Variants in GMDS observed in about 807,000 individuals in gnomAD.
GMDS encodes the protein GDP-mannose 4,6-dehydratase, also known as GDP-mannose 4,6 dehydratase.
A neutral mutation model predicts 49.9 loss-of-function variants in GMDS; 20 were observed. The observed-to-expected ratio is 0.40, with a 90% CI of 0.28 to 0.58. The LOEUF (loss-of-function observed/expected upper bound fraction) is 0.58, where lower values mean the gene tolerates loss of function less well. Among genes scored for constraint, GMDS ranks in the 20% least tolerant of loss-of-function variants. The pLI is 0.42. For missense variants in GMDS, 362 were observed against 481.4 expected, an observed-to-expected ratio of 0.75 and a Z score of 2.32; for synonymous variants, 177 against 178.6, an observed-to-expected ratio of 0.99 and a Z score of 0.07.
Position 1,960,813 on chromosome 6 carries a change from G to A in GMDS, c.499C>T (p.Gln167Ter). 1 of 1,609,798 alleles carries A rather than the reference G, an allele frequency of 6.2e-7. No homozygotes were observed. The highest frequency in any genetic ancestry group is 8.5e-7 in the Non-Finnish European group (1 of 1,176,712). ...ELYGKVQEIP[Q>*]KETTPFYPRS... is the part of the protein sequence containing the mutation. ...GGATAGAAAGGGGTGGTCTCCTTCT[G>A]GGGTATTTCCTGCACTTTCCCATAA... The change falls in exon 5 of 11, where the codon CAG becomes TAG. Residue 167 changes from glutamine (Q) to a stop codon, truncating the protein, a stop_gained. Transcript: ENST00000380815. LOFTEE classifies it high-confidence loss of function.
At chr6:1,944,788 A>G (rs1341180751) in intron 6 of GMDS, among the ~76,000 whole-genome samples, 1 of 152,168 alleles carries the variant, frequency 6.6e-6, no homozygotes, top group Non-Finnish European at 1.5e-5. Context: ...AAGACCTTTG[A>G]TTCAAATTCT....
At chr6:1,708,538 C>T (rs560127039) in intron 9 of GMDS, among the ~76,000 whole-genome samples, 230 of 152,336 alleles carry the variant, frequency 1.5e-3, no homozygotes, top group African/African-American at 5.0e-3. Flanking sequence ...ATGGATCGGG[C>T]GAGAGCCCCA....
chr6:2,121,039 C>A (rs1775110700), intron 2 of GMDS, among the ~76,000 whole-genome samples: 1 of 152,168 alleles, frequency 6.6e-6, no homozygotes, highest in Non-Finnish European at 1.5e-5. Context: ...GATAGGTGTG[C>A]TTATCATCCC....
At chr6:2,063,018 A>G (rs1400574792) in intron 4 of GMDS, among the ~76,000 whole-genome samples, 1 of 152,262 alleles carries the variant, frequency 6.6e-6, no homozygotes, top group Non-Finnish European at 1.5e-5. Flanking sequence ...TTTTGGTGAG[A>G]TCCTATAGAC....
At chr6:2,048,562 T>A (rs1264635253) in intron 4 of GMDS, among the ~76,000 whole-genome samples, 1 of 152,236 alleles carries the variant, frequency 6.6e-6, no homozygotes, top group East Asian at 1.9e-4. Flanking sequence ...AACTTATCAA[T>A]TTACATATTC....
At chr6:1,660,502 G>C (rs1030348037) in intron 9 of GMDS, among the ~76,000 whole-genome samples, 10 of 152,010 alleles carry the variant, frequency 6.6e-5, no homozygotes, top group Non-Finnish European at 1.5e-4. Flanking sequence ...AGTTTCTGCG[G>C]AGAGGCCGGG....
intron 9 of GMDS, among the ~76,000 whole-genome samples, chr6:1,671,895 C>A (rs1484199897): frequency 2.6e-5 from 4 of 152,150 alleles, no homozygotes; most frequent in Non-Finnish European, 5.9e-5. Flanking sequence ...GATCTCCCAG[C>A]CTCATGATCT....
intron 6 of GMDS, among the ~76,000 whole-genome samples, chr6:1,948,438 C>T (rs1180298725): frequency 2.0e-5 from 3 of 152,096 alleles, no homozygotes; most frequent in African/African-American, 7.2e-5. Flanking sequence ...CAACCATATA[C>T]ATTTCATGTA....
chr6:1,976,267 T>C (rs1408002), intron 4 of GMDS, among the ~76,000 whole-genome samples: 59,781 of 152,052 alleles, frequency 0.39, 11,861 homozygotes, highest in Middle Eastern at 0.45. Context: ...AAGAACAATG[T>C]GCTTATTCTG....
At chr6:1,988,463 C>T (rs909819389) in intron 4 of GMDS, among the ~76,000 whole-genome samples, 6 of 152,122 alleles carry the variant, frequency 3.9e-5, no homozygotes, top group Admixed American at 1.3e-4. Context: ...TCCTTCTTGG[C>T]GGTGGGGGCG....
At chr6:2,139,263 T>C (rs977053875) in intron 1 of GMDS, among the ~76,000 whole-genome samples, 1 of 152,228 alleles carries the variant, frequency 6.6e-6, no homozygotes, top group African/African-American at 2.4e-5. Flanking sequence ...TGCATCACTA[T>C]AAGCTGCACT....
intron 7 of GMDS, among the ~76,000 whole-genome samples, chr6:1,901,603 T>C (rs1469249539): frequency 1.3e-5 from 2 of 152,184 alleles, no homozygotes; most frequent in South Asian, 2.1e-4. Flanking sequence ...AATTCTTATA[T>C]GCTAGGAGAA....
chr6:1,802,443 T>C (rs1192157542), intron 7 of GMDS, among the ~76,000 whole-genome samples: 1 of 152,262 alleles, frequency 6.6e-6, no homozygotes, highest in African/African-American at 2.4e-5. Flanking sequence ...TGTTTTTGCT[T>C]TAGGTCTAAA....
chr6:1,678,430 T>A (rs1290362955), intron 9 of GMDS, among the ~76,000 whole-genome samples: 1 of 152,152 alleles, frequency 6.6e-6, no homozygotes, highest in Non-Finnish European at 1.5e-5. Context: ...AGCAGCCTGG[T>A]TCCCTGGTGA....
intron 7 of GMDS, among the ~76,000 whole-genome samples, chr6:1,826,809 G>GT (rs1227869516): frequency 6.6e-6 from 1 of 152,104 alleles, no homozygotes; most frequent in Non-Finnish European, 1.5e-5. Context: ...GCTCATGCCT[G>GT]TAATACCAGT....
At chr6:2,021,856 G>T (rs577114335) in intron 4 of GMDS, among the ~76,000 whole-genome samples, 2 of 152,208 alleles carry the variant, frequency 1.3e-5, no homozygotes, top group Non-Finnish European at 2.9e-5. Flanking sequence ...AAGGAGCCAG[G>T]CTTCCTCAGC....
chr6:2,194,293 C>T (rs888358316), intron 1 of GMDS, among the ~76,000 whole-genome samples: 2 of 152,068 alleles, frequency 1.3e-5, no homozygotes, highest in Admixed American at 1.3e-4. Flanking sequence ...TTTAAAAGAA[C>T]ATTAAAGCAG....
intron 7 of GMDS, among the ~76,000 whole-genome samples, chr6:1,756,583 TTTGA>T (rs1767956014): frequency 6.6e-6 from 1 of 152,070 alleles, no homozygotes; most frequent in African/African-American, 2.4e-5. Flanking sequence ...GCTGCAGCCT[TTTGA>T]TTGTTTGTGA....
chr6:2,112,946 A>G (rs981538893), intron 4 of GMDS, among the ~76,000 whole-genome samples: 2 of 151,878 alleles, frequency 1.3e-5, no homozygotes, highest in African/African-American at 4.8e-5. Flanking sequence ...TCAGTCCTCT[A>G]CCCGTCTTTC....
Sources: gnomAD v4.1 joint callset for allele counts (sites outside exome capture counted in the v4.1 genomes callset) on GRCh38, gnomAD v4.1.1 for gene constraint, MANE v1.5 for transcripts, NCBI Gene and HGNC (gene_info 2026-07-23, HGNC 2026-07-21) for gene names.